CLTCL1: variants seen among roughly 807,000 people sequenced by gnomAD.
The protein encoded by CLTCL1 is clathrin heavy chain like 1, also known as clathrin heavy chain 2.
In CLTCL1, 159 loss-of-function variants were observed where a neutral mutation model predicts 190.0. The observed-to-expected ratio is 0.84, with a 90% confidence interval of 0.74 to 0.95. The LOEUF is 0.95. CLTCL1 is among the 40% of genes least tolerant of loss of function. The pLI is 0.00. For missense variants in CLTCL1, 1,878 were observed against 2,033.4 expected, an observed-to-expected ratio of 0.92 and a Z score of 1.47; for synonymous variants, 752 against 769.6, an observed-to-expected ratio of 0.98 and a Z score of 0.38.
At chr22:19,242,055 G>A (rs2086272525) in intron 4 of CLTCL1, among the ~76,000 whole-genome samples, 1 of 148,878 alleles carries the variant, frequency 6.7e-6, no homozygotes, top group African/African-American at 2.5e-5. Flanking sequence ...CAATTCTCCT[G>A]CCTCAGCCTC....
intron 11 of CLTCL1, among the ~76,000 whole-genome samples, chr22:19,227,431 T>C (rs2085782960): frequency 6.6e-6 from 1 of 150,410 alleles, no homozygotes; most frequent in Admixed American, 6.6e-5. Flanking sequence ...TACAGGCACA[T>C]GCCACCACAC....
intron 26 of CLTCL1, 100 bp from the exon 27 acceptor site, chr22:19,191,535 T>G: frequency 7.1e-7 from 1 of 1,407,716 alleles, no homozygotes; most frequent in East Asian, 2.3e-5. Context: ...TACTGAGGCC[T>G]GCCATGACTA....
intron 1 of CLTCL1, among the ~76,000 whole-genome samples, chr22:19,279,236 A>G (rs535238701): frequency 6.6e-6 from 1 of 152,190 alleles, no homozygotes; most frequent in South Asian, 2.1e-4. Flanking sequence ...CCCGAGTTCC[A>G]GCAATTCTCC....
chr22:19,219,158 TTTATTTATTTA>T (rs1418153407), intron 18 of CLTCL1, among the ~76,000 whole-genome samples: 1 of 88,226 alleles, frequency 1.1e-5, no homozygotes, highest in African/African-American at 6.4e-5. Context: ...ACTAAGATGT[TTTATTTATTTA>T]TTTATTTATT....
At chr22:19,258,423 G>C in intron 2 of CLTCL1, 1 of 408,812 alleles carries the variant, frequency 2.4e-6, no homozygotes, top group Non-Finnish European at 4.7e-6. Flanking sequence ...GAGATGTCCA[G>C]TCCAGTCCTT....
At chr22:19,200,073 T>G (rs1302348585) in intron 23 of CLTCL1, among the ~76,000 whole-genome samples, 3 of 152,198 alleles carry the variant, frequency 2.0e-5, no homozygotes, top group African/African-American at 7.2e-5. Context: ...AGAATAAAGT[T>G]TGTGCATTAC....
chr22:19,202,951 A>C (rs2084943551), intron 22 of CLTCL1, among the ~76,000 whole-genome samples: 1 of 152,214 alleles, frequency 6.6e-6, no homozygotes, highest in Non-Finnish European at 1.5e-5. Flanking sequence ...CTGCATCAGC[A>C]TCCATCACCT....
chr22:19,188,622 T>C (rs2084392012), intron 27 of CLTCL1, among the ~76,000 whole-genome samples: 1 of 151,196 alleles, frequency 6.6e-6, no homozygotes, highest in Non-Finnish European at 1.5e-5. Context: ...TTCTTTTTTT[T>C]TTTTTTTTGA....
At chr22:19,189,153 T>C (rs957107336) in intron 27 of CLTCL1, among the ~76,000 whole-genome samples, 2 of 152,216 alleles carry the variant, frequency 1.3e-5, no homozygotes, top group Admixed American at 1.3e-4. Flanking sequence ...TCCACACGCC[T>C]TGGCCTCCCA....
chr22:19,219,894 T>G lies in CLTCL1; in HGVS notation c.2910A>C (p.Leu970=), dbSNP rs1301904580. 1.9e-6 allele frequency: 3 copies of G among 1,613,916 alleles called. No homozygotes were observed. In the Admixed American group the frequency reaches 5.0e-5, roughly 27 times the overall value. ...LEETNPSRRQ[L]IDQVVQTALS... ...CATCTCTGTGCCTCACCTGGTCAAT[T>G]AGCTGTCTCCTGGATGGGTTGGTCT... is the stretch of plus-strand genomic sequence containing the variant. Residue 970 remains leucine, a synonymous_variant, in exon 18 of 33, where the codon CTA becomes CTC. Transcript: ENST00000427926.
At chr22:19,255,212 C>T (rs1044007079) in intron 2 of CLTCL1, among the ~76,000 whole-genome samples, 1 of 152,168 alleles carries the variant, frequency 6.6e-6, no homozygotes, top group African/African-American at 2.4e-5. Context: ...TACAAAACAA[C>T]TATTAGAATT....
intron 22 of CLTCL1, among the ~76,000 whole-genome samples, chr22:19,204,851 A>C (rs1033210248): frequency 5.9e-5 from 9 of 152,176 alleles, no homozygotes; most frequent in Non-Finnish European, 1.2e-4. Context: ...GAGTGACAGC[A>C]GAAGGCAGAG....
intron 1 of CLTCL1, among the ~76,000 whole-genome samples, chr22:19,279,901 T>C (rs1555985513): frequency 6.6e-6 from 1 of 152,240 alleles, no homozygotes; most frequent in Non-Finnish European, 1.5e-5. Flanking sequence ...TGAGGTGAGC[T>C]TGTGTCCACA....
At position 19,195,958 on chromosome 22, in the gene CLTCL1, C is replaced by T. The variant is rs570783318; in HGVS notation, c.4191+308G>A. ...GGAAGAACGAACTGAGGCCTGGCCA[C>T]AAGGGCGTGGTATGGTGGGAGGGGC... is the stretch of plus-strand genomic sequence containing the variant. On this transcript the variant is annotated intron_variant, in intron 26 of 32. Coordinates refer to ENST00000427926, the MANE Select transcript of CLTCL1 (RefSeq NM_007098.4). 9.9e-5 allele frequency among the ~76,000 whole-genome samples: 15 copies of T among 152,244 alleles called. 1 individual carries two copies. In the South Asian group the frequency reaches 2.9e-3, roughly 29 times the overall value.
chr22:19,187,706 G>C lies in CLTCL1; in HGVS notation c.4457C>G (p.Ala1486Gly), dbSNP rs1555929048. ...DYQGLRASIDAYDNFDNISLA... is the reference protein window; with the variant it reads ...DYQGLRASIDGYDNFDNISLA... Reference sequence around the variant, plus strand: ...GCTGATGTTGTCAAAGTTGTCATAGGCATCGATAGATGCCCTTAAGCCCTA... The same window carrying C: ...GCTGATGTTGTCAAAGTTGTCATAGCCATCGATAGATGCCCTTAAGCCCTA... Residue 1486 changes from alanine to glycine, a missense_variant, in exon 29 of 33, where the codon GCC becomes GGC. Physicochemically the swap from Ala to Gly is moderately conservative, Grantham distance 60 (BLOSUM62 0). Coordinates refer to ENST00000427926, the MANE Select transcript of CLTCL1 (RefSeq NM_007098.4). 1 of 1,613,654 alleles carries C rather than the reference G, an allele frequency of 6.2e-7. No homozygotes were observed. The highest frequency in any genetic ancestry group is 8.5e-7 in the Non-Finnish European group (1 of 1,179,864).
At chr22:19,285,277 AAAAAAGAAAAAG>A (rs1277187722) in intron 1 of CLTCL1, among the ~76,000 whole-genome samples, 7 of 152,204 alleles carry the variant, frequency 4.6e-5, no homozygotes, top group Admixed American at 2.0e-4. Context: ...TCCATCTTAA[AAAAAAGAAAAAG>A]AAAAAGAAAA....
chr22:19,204,260 T>G (rs1233910353), intron 22 of CLTCL1, among the ~76,000 whole-genome samples: 2 of 152,146 alleles, frequency 1.3e-5, no homozygotes, highest in East Asian at 3.9e-4. Context: ...CAGCTGCCTC[T>G]TCCTACTGCT....
At chr22:19,258,915 G>A in intron 2 of CLTCL1, 1 of 405,740 alleles carries the variant, frequency 2.5e-6, no homozygotes, top group East Asian at 4.7e-5. Context: ...AAAACATAGG[G>A]GAAAAGCTTG....
In CLTCL1 at chr22:19,181,139, C is replaced by T. The variant is rs1415769245; in HGVS notation, c.4828-333G>A. On this transcript the variant is annotated intron_variant, in intron 30 of 32. Transcript: ENST00000427926. Reference sequence around the variant, plus strand: ...AAGTCCTCCTCTGGATACAGGGACACTGCCACTTACCGACCTGCAGGGCTG... The same window carrying T: ...AAGTCCTCCTCTGGATACAGGGACATTGCCACTTACCGACCTGCAGGGCTG... The T allele has an allele frequency of 1.2e-5, 4 of 322,210 alleles. No homozygotes were observed. In the Admixed American group the frequency reaches 1.3e-4, roughly 11 times the overall value. 20.0% of individuals were successfully genotyped at this position (322,210 alleles called of 1,614,324 possible).
Sources: allele counts gnomAD v4.1 joint callset (sites outside exome capture counted in the v4.1 genomes callset), GRCh38; gene constraint gnomAD v4.1.1; transcripts MANE v1.5; gene names NCBI Gene and HGNC (gene_info 2026-07-23, HGNC 2026-07-21).